KRIT1: variants seen among roughly 807,000 people sequenced by gnomAD.
KRIT1 encodes KRIT1 ankyrin repeat containing, also known as krev interaction trapped protein 1.
Under a neutral mutation model 95.8 loss-of-function variants are expected in KRIT1, and 45 were observed. The observed-to-expected ratio is 0.47, with a 90% CI of 0.37 to 0.60. The LOEUF (loss-of-function observed/expected upper bound fraction) is 0.60. Among genes scored for constraint, KRIT1 ranks in the 20% least tolerant of loss-of-function variants. KRIT1 has a pLI of 0.00. For synonymous variants in KRIT1, 282 were observed against 278.8 expected (o/e 1.01, Z -0.11); for missense variants, 788 against 877.5 (o/e 0.90, Z 1.29).
At chr7:92,219,998 A>T (rs1289414253) in intron 14 of KRIT1, among the ~76,000 whole-genome samples, 1 of 152,230 alleles carries the variant, frequency 6.6e-6, no homozygotes. Context: ...TTAATTTAGT[A>T]GCTCTAGCTT....
intron 14 of KRIT1, among the ~76,000 whole-genome samples, chr7:92,219,911 CT>C (rs914927500): frequency 1.3e-5 from 2 of 152,130 alleles, no homozygotes; most frequent in African/African-American, 2.4e-5. Flanking sequence ...TTCTTAATCT[CT>C]TTCTTGTATT....
intron 17 of KRIT1, among the ~76,000 whole-genome samples, chr7:92,202,485 G>A (rs1378759341): frequency 6.6e-6 from 1 of 152,014 alleles, no homozygotes; most frequent in African/African-American, 2.4e-5. Flanking sequence ...TGTATTATTT[G>A]TGTACATATA....
rs1454191008 is a variant in KRIT1 at position 92,201,382 on chromosome 7, T to C, written c.2067A>G (p.Gln689=). 12 of 1,600,666 alleles carry C rather than the reference T, an allele frequency of 7.5e-6. No individual in the cohort carries two copies. Among genetic ancestry groups the C allele is most frequent in the East Asian group, 6.7e-5 (3 of 44,694 alleles). The part of the protein sequence containing the change: ...ISLKYGCFMW[Q]LGDTDTCFQI... ...GAAAACAAGTATCAGTATCTCCCAATTGCCACATAAAACAACCATACTTAA... is the reference window on the plus strand; with the variant it reads ...GAAAACAAGTATCAGTATCTCCCAACTGCCACATAAAACAACCATACTTAA... Residue 689 remains glutamine (Q), a synonymous_variant, in exon 18 of 19, where the codon CAA becomes CAG. Transcript: ENST00000394505.
Position 92,202,887 on chromosome 7 carries a change from A to C in KRIT1, c.2026-1464T>G, listed in dbSNP as rs553795521. On this transcript the variant is annotated intron_variant, in intron 17 of 18. Transcript: ENST00000394505. ...CTTATACATAGGAGGATATACTAAA[A>C]TAGCTACTTATCAAGGTACAGACTG... Among the ~76,000 whole-genome samples the C allele has an allele frequency of 2.6e-5, 4 of 152,352 alleles. No individual in the cohort carries two copies. The East Asian group carries it at 7.7e-4, about 29-fold the overall frequency.
chr7:92,213,951 C>A lies in KRIT1; in HGVS notation c.1759G>T (p.Val587Phe). ...GGTGCCTTACTTTTCAGTTTGGTAA[C>A]AGGTACGATGGATTTTAGATTTTCT... is the stretch of plus-strand genomic sequence containing the variant. The part of the protein sequence containing the change: ...NEENLKSIVP[V>F]TKLKSKAPHW... Residue 587 changes from valine (V) to phenylalanine (F), a missense_variant, in exon 16 of 19, where the codon GTT (valine) becomes TTT (phenylalanine). Physicochemically the swap from Val to Phe is conservative, Grantham distance 50. Around this residue, in one of 3 missense-constraint regions of KRIT1, gnomAD observed 493 missense variants for 582.3 expected, o/e 0.85. Coordinates refer to ENST00000394505, the MANE Select transcript of KRIT1 (RefSeq NM_194454.3). 6.2e-7 allele frequency: 1 copy of A among 1,609,668 alleles called. No individual in the cohort carries two copies. Among genetic ancestry groups the A allele is most frequent in the South Asian group, 1.1e-5 (1 of 90,968 alleles).
intron 10 of KRIT1, among the ~76,000 whole-genome samples, chr7:92,228,380 G>A (rs1313582203): frequency 6.6e-6 from 1 of 152,168 alleles, no homozygotes; most frequent in African/African-American, 2.4e-5. Flanking sequence ...GTGGGAGGAG[G>A]AATGGAAACT....
At chr7:92,242,163 T>G (rs762741337) in intron 3 of KRIT1, 26 bp from the exon 4 acceptor site, 7 of 1,294,298 alleles carry the variant, frequency 5.4e-6, no homozygotes, top group African/African-American at 2.9e-5. Context: ...AAAAAAATCC[T>G]TTGAAAGATT....
intron 14 of KRIT1, among the ~76,000 whole-genome samples, chr7:92,216,499 A>G (rs1464776915): frequency 6.6e-6 from 1 of 152,038 alleles, no homozygotes; most frequent in Non-Finnish European, 1.5e-5. Context: ...AACAACTGGG[A>G]AACATCTGAA....
chr7:92,239,677 G>C (rs542479531), intron 5 of KRIT1, among the ~76,000 whole-genome samples: 1 of 151,612 alleles, frequency 6.6e-6, no homozygotes, highest in Non-Finnish European at 1.5e-5. Context: ...TGTGAGACTC[G>C]GAGTGTTTAT....
rs556663806 is a variant in KRIT1 at position 92,200,533 on chromosome 7, T to A, written c.*203A>T. The stretch of plus-strand genomic sequence containing the variant: ...CACACCCAGCTAATTTTTGTATTTT[T>A]GTAGAGACAGGGTTTCACCATGTTG... On this transcript the variant is annotated 3_prime_UTR_variant, in exon 19 of 19. Coordinates refer to ENST00000394505, the MANE Select transcript of KRIT1 (RefSeq NM_194454.3). 3.0e-5 allele frequency: 16 copies of A among 530,892 alleles called. No individual in the cohort carries two copies. Among genetic ancestry groups the A allele is most frequent in the Non-Finnish European group, 5.4e-5 (16 of 294,048 alleles). The allele number at this position is 530,892 out of a possible 1,614,324, so 32.9% of individuals were successfully genotyped here.
At chr7:92,241,917 A>T in intron 4 of KRIT1, 117 bp downstream of exon 4, 3 of 670,582 alleles carry the variant, frequency 4.5e-6, no homozygotes, top group East Asian at 2.7e-5. Flanking sequence ...ATGGGCAGAG[A>T]CCTAAAATAA....
intron 14 of KRIT1, among the ~76,000 whole-genome samples, chr7:92,216,173 G>C (rs1793943755): frequency 6.7e-6 from 1 of 149,012 alleles, no homozygotes; most frequent in Non-Finnish European, 1.5e-5. Flanking sequence ...AGCTTGCAGT[G>C]AGCCGAAATT....
chr7:92,236,084 A>G (rs760423953), intron 7 of KRIT1: 18 of 257,726 alleles, frequency 7.0e-5, no homozygotes, highest in Non-Finnish European at 1.3e-4. Context: ...TCTTACAGAA[A>G]GACAAAGGCA....
chr7:92,223,968 A>C (rs940785355), intron 12 of KRIT1, among the ~76,000 whole-genome samples: 3 of 152,252 alleles, frequency 2.0e-5, no homozygotes, highest in Non-Finnish European at 4.4e-5. Flanking sequence ...AAAATGAGTT[A>C]ACACTACATA....
intron 14 of KRIT1, among the ~76,000 whole-genome samples, chr7:92,218,056 G>C (rs889574930): frequency 3.3e-5 from 5 of 151,820 alleles, no homozygotes; most frequent in Non-Finnish European, 5.9e-5. Context: ...CAAGTCCTTC[G>C]ACCTATTTTA....
At chr7:92,221,014 C>T (rs139585025) in intron 14 of KRIT1, among the ~76,000 whole-genome samples, 1 of 152,034 alleles carries the variant, frequency 6.6e-6, no homozygotes, top group Admixed American at 6.6e-5. Context: ...GGCATTATGT[C>T]ACTTCTTCCT....
At chr7:92,241,433 T>C (rs1008972953) in intron 4 of KRIT1, among the ~76,000 whole-genome samples, 43 of 152,196 alleles carry the variant, frequency 2.8e-4, no homozygotes, top group African/African-American at 9.7e-4. Context: ...CAGTACCCTT[T>C]AACAGGTTTC....
At chr7:92,224,920 G>A (rs1283116609) in intron 12 of KRIT1, among the ~76,000 whole-genome samples, 1 of 152,192 alleles carries the variant, frequency 6.6e-6, no homozygotes, top group Non-Finnish European at 1.5e-5. Context: ...AGCACTTTGG[G>A]AGGCTGAGGT....
intron 14 of KRIT1, among the ~76,000 whole-genome samples, chr7:92,219,343 C>T (rs1563256710): frequency 6.6e-6 from 1 of 152,142 alleles, no homozygotes; most frequent in East Asian, 1.9e-4. Context: ...GTCCAATTTC[C>T]TACTTTTGCA....
Sources: allele counts gnomAD v4.1 joint callset (sites outside exome capture counted in the v4.1 genomes callset), GRCh38; gene constraint gnomAD v4.1.1; regional missense constraint gnomAD v4.1.1; transcripts MANE v1.5; gene names NCBI Gene and HGNC (gene_info 2026-07-23, HGNC 2026-07-21).